The following MAML3 variants were observed in gnomAD, a reference collection of about 807,000 sequenced individuals.
MAML3 encodes mastermind-like protein 3.
A neutral mutation model predicts 101.9 loss-of-function variants in MAML3; 27 were observed. The ratio of observed to expected loss-of-function variants is 0.27; its 90% CI spans 0.20 to 0.37. The LOEUF (loss-of-function observed/expected upper bound fraction) is 0.37, where lower values mean the gene tolerates loss of function less well. Among genes scored for constraint, MAML3 ranks in the 10% least tolerant of loss-of-function variants. The pLI, the probability that MAML3 is intolerant of heterozygous loss-of-function variation, is 1.00. For synonymous variants in MAML3, 501 were observed against 555.9 expected (o/e 0.90, Z 1.39); for missense variants, 1,316 against 1,444.9 (o/e 0.91, Z 1.45).
intron 1 of MAML3, among the ~76,000 whole-genome samples, chr4:140,097,054 G>A (rs994740546): frequency 1.3e-5 from 2 of 152,020 alleles, no homozygotes; most frequent in Admixed American, 6.6e-5. Flanking sequence ...AGAGTGCACA[G>A]CCTAAAACAG....
intron 4 of MAML3, among the ~76,000 whole-genome samples, chr4:139,724,042 G>A (rs1192258602): frequency 2.0e-5 from 3 of 152,286 alleles, no homozygotes; most frequent in South Asian, 2.1e-4. Flanking sequence ...CCACTCTTCC[G>A]AAGCTACCCA....
intron 1 of MAML3, among the ~76,000 whole-genome samples, chr4:140,076,763 G>C (rs1402823896): frequency 6.6e-6 from 1 of 152,206 alleles, no homozygotes; most frequent in African/African-American, 2.4e-5. Context: ...CCCCAAGATG[G>C]GCTGCCACAA....
At chr4:139,888,654 G>A (rs1732388171) in intron 2 of MAML3, 1 of 518,846 alleles carries the variant, frequency 1.9e-6, no homozygotes, top group African/African-American at 1.9e-5. Context: ...GAGGACAGTG[G>A]GAAAGTAGAG....
chr4:139,770,669 G>A (rs62322606), intron 2 of MAML3, among the ~76,000 whole-genome samples: 7,332 of 152,274 alleles, frequency 0.048, 242 homozygotes, highest in Non-Finnish European at 0.076. Flanking sequence ...TCCCTGGAAT[G>A]AAGCCAGCCA....
intron 1 of MAML3, among the ~76,000 whole-genome samples, chr4:140,046,659 T>TA (rs922522878): frequency 6.6e-6 from 1 of 152,036 alleles, no homozygotes; most frequent in African/African-American, 2.4e-5. Flanking sequence ...AAGTGAGAAA[T>TA]ACAAATACTG....
intron 1 of MAML3, among the ~76,000 whole-genome samples, chr4:139,906,413 AGTAAGT>A (rs201906462): frequency 0.04 from 6,017 of 152,322 alleles, 227 homozygotes; most frequent in Admixed American, 0.12. Context: ...GGCTCTGAAT[AGTAAGT>A]GTTTGTTCCC....
At chr4:139,875,916 C>CA (rs57104878) in intron 2 of MAML3, among the ~76,000 whole-genome samples, 1,323 of 81,542 alleles carry the variant, frequency 0.016, 55 homozygotes, top group African/African-American at 0.044. Context: ...TCACAAACAG[C>CA]AAAAAAAAAA....
intron 2 of MAML3, among the ~76,000 whole-genome samples, chr4:139,869,679 A>T (rs1731964254): frequency 6.6e-6 from 1 of 152,204 alleles, no homozygotes; most frequent in Non-Finnish European, 1.5e-5. Context: ...CACACGTAAT[A>T]TTCATTAAAA....
At chr4:140,140,729 T>A (rs187127746) in intron 1 of MAML3, among the ~76,000 whole-genome samples, 1 of 152,358 alleles carries the variant, frequency 6.6e-6, no homozygotes, top group Non-Finnish European at 1.5e-5. Flanking sequence ...ACCCTTGGTT[T>A]ATCTCTCTGG....
intron 1 of MAML3, among the ~76,000 whole-genome samples, chr4:139,962,616 A>C (rs1049115014): frequency 9.9e-5 from 15 of 152,244 alleles, no homozygotes; most frequent in Non-Finnish European, 2.2e-4. Flanking sequence ...AAAAGCAAGA[A>C]AGATAGGGAT....
In MAML3 at chr4:139,847,063, T is replaced by C. The variant is rs537770657; in HGVS notation, c.2079+42294A>G. The stretch of plus-strand genomic sequence containing the variant: ...GTAATGGGACTGAGTGCTGACTGAT[T>C]TGCAAATGGTACAAATTTCACCACT... On this transcript the variant is annotated intron_variant, in intron 2 of 4. Transcript: ENST00000509479. Among the ~76,000 whole-genome samples, 5 of 152,306 alleles carry C rather than the reference T, an allele frequency of 3.3e-5. No individual in the cohort carries two copies. In the East Asian group the frequency reaches 7.7e-4, roughly 24 times the overall value.
intron 2 of MAML3, among the ~76,000 whole-genome samples, chr4:139,861,593 T>A (rs1201961028): frequency 6.6e-6 from 1 of 151,600 alleles, no homozygotes; most frequent in Non-Finnish European, 1.5e-5. Flanking sequence ...CTCACAGAGG[T>A]TTAGTTAATA....
At chr4:139,755,079 C>T (rs1280449500) in intron 2 of MAML3, among the ~76,000 whole-genome samples, 1 of 152,212 alleles carries the variant, frequency 6.6e-6, no homozygotes. Flanking sequence ...CAGAGCAAGG[C>T]CCCGTGTATC....
chr4:139,814,851 T>C (rs1730867356), intron 2 of MAML3, among the ~76,000 whole-genome samples: 1 of 152,294 alleles, frequency 6.6e-6, no homozygotes, highest in South Asian at 2.1e-4. Flanking sequence ...GTAAAGAGCG[T>C]AGGGCTGGAG....
intron 1 of MAML3, among the ~76,000 whole-genome samples, chr4:140,016,138 T>C (rs147253576): frequency 6.6e-6 from 1 of 152,174 alleles, no homozygotes; most frequent in Non-Finnish European, 1.5e-5. Flanking sequence ...TATTTCTATG[T>C]CCTAGCAATA....
chr4:139,926,816 T>G (rs1733272502), intron 1 of MAML3, among the ~76,000 whole-genome samples: 1 of 152,206 alleles, frequency 6.6e-6, no homozygotes, highest in Admixed American at 6.5e-5. Flanking sequence ...ATACTATTAA[T>G]TAAACTACAG....
intron 1 of MAML3, among the ~76,000 whole-genome samples, chr4:139,927,519 T>G (rs1391646229): frequency 6.6e-6 from 1 of 152,220 alleles, no homozygotes; most frequent in Non-Finnish European, 1.5e-5. Flanking sequence ...GTGAATCTTG[T>G]CTATAACAGT....
chr4:139,929,551 A>G (rs760299213), intron 1 of MAML3, among the ~76,000 whole-genome samples: 1 of 152,164 alleles, frequency 6.6e-6, no homozygotes, highest in Non-Finnish European at 1.5e-5. Context: ...CACTATTCAG[A>G]TGCAGTTTAT....
At chr4:140,141,199 C>A (rs1254629449) in intron 1 of MAML3, among the ~76,000 whole-genome samples, 8 of 152,162 alleles carry the variant, frequency 5.3e-5, no homozygotes, top group African/African-American at 1.9e-4. Flanking sequence ...AAAGGGAAAG[C>A]AAAATAACTA....
Sources: allele counts gnomAD v4.1 joint callset (sites outside exome capture counted in the v4.1 genomes callset), GRCh38; gene constraint gnomAD v4.1.1; transcripts MANE v1.5; gene names NCBI Gene and HGNC (gene_info 2026-07-23, HGNC 2026-07-21).